Variants in RTP2 observed in about 807,000 individuals in gnomAD.
RTP2 encodes the protein receptor-transporting protein 2.
RTP2 carries 12 observed loss-of-function variants against 17.9 expected under a neutral mutation model. The ratio of observed to expected loss-of-function variants is 0.67; its 90% CI spans 0.43 to 1.09. RTP2 has a LOEUF of 1.09. Ranked by LOEUF, RTP2 falls within the 50% of genes least tolerant of loss-of-function variation. The pLI is 0.00. For missense variants in RTP2, 327 were observed against 295.7 expected (o/e 1.11, Z -0.78); for synonymous variants, 126 against 117.7 (o/e 1.07, Z -0.46).
chr3:187,707,947 A>G, the RTP2 span, among the ~76,000 whole-genome samples: 5 of 152,306 alleles, frequency 3.3e-5, no homozygotes, highest in African/African-American at 1.2e-4. Flanking sequence ...TCCATTGAGT[A>G]TTCTTTTGTA....
the RTP2 span, among the ~76,000 whole-genome samples, chr3:187,714,871 G>A: frequency 6.6e-6 from 1 of 152,170 alleles, no homozygotes; most frequent in Admixed American, 6.5e-5. Context: ...TGTGACTGAA[G>A]AATAGGGTGC....
intron 1 of RTP2, among the ~76,000 whole-genome samples, chr3:187,699,678 C>G (rs1322416167): frequency 6.6e-6 from 1 of 151,758 alleles, no homozygotes; most frequent in Non-Finnish European, 1.5e-5. Flanking sequence ...AGATCCCACT[C>G]TAGCCCTGCA....
the RTP2 span, among the ~76,000 whole-genome samples, chr3:187,714,975 A>C: frequency 6.6e-6 from 1 of 150,496 alleles, no homozygotes; most frequent in Non-Finnish European, 1.5e-5. Flanking sequence ...GAAAAAAAAA[A>C]CACAAACAAA....
the RTP2 span, among the ~76,000 whole-genome samples, chr3:187,710,710 C>A: frequency 6.6e-6 from 1 of 152,064 alleles, no homozygotes; most frequent in Non-Finnish European, 1.5e-5. Context: ...CGGATTAATA[C>A]ACCATAATTC....
At chr3:187,702,540 G>GT (rs1279710343) in exon 1 of RTP2, 1 of 458,716 alleles carries the variant, frequency 2.2e-6, no homozygotes, top group Non-Finnish European at 4.4e-6. Context: ...ATGTGCTATG[G>GT]TAAGTACGAC....
intron 1 of RTP2, among the ~76,000 whole-genome samples, chr3:187,701,229 T>C (rs2108542224): frequency 1.3e-5 from 2 of 152,230 alleles, no homozygotes; most frequent in East Asian, 3.8e-4. Context: ...ATGTGGACTT[T>C]AGACGGCCTC....
At chr3:187,713,715 T>C in the RTP2 span, among the ~76,000 whole-genome samples, 1 of 151,978 alleles carries the variant, frequency 6.6e-6, no homozygotes, top group African/African-American at 2.4e-5. Flanking sequence ...TCAGTCTGAT[T>C]GGTTGCAGGA....
chr3:187,710,415 A>G, the RTP2 span, among the ~76,000 whole-genome samples: 1 of 149,056 alleles, frequency 6.7e-6, no homozygotes, highest in Non-Finnish European at 1.5e-5. Flanking sequence ...TATTATATGT[A>G]TGTGTATATC....
the RTP2 span, among the ~76,000 whole-genome samples, chr3:187,712,692 G>A: frequency 1.3e-5 from 2 of 152,118 alleles, no homozygotes; most frequent in African/African-American, 4.8e-5. Flanking sequence ...AGGAAAACTT[G>A]GGAACAATAG....
At position 187,702,070 on chromosome 3, in the gene RTP2, AC is replaced by A. The variant is rs1560137038; in HGVS notation, c.58del (p.Val20TrpfsTer12). 6.2e-7 allele frequency: 1 copy of A among 1,613,582 alleles called. No homozygotes were observed. On this transcript the variant is annotated frameshift_variant, in exon 1 of 2. Transcript: ENST00000358241. LOFTEE classifies it high-confidence loss of function. ...CTCCCAGCTGTCCGCTGGCTTTGCC[AC>A]CTCCATCTTCTCATAGAAGACTTTC... is the stretch of plus-strand genomic sequence containing the variant.
At chr3:187,698,312 C>T (rs1717738787) in exon 2 of RTP2, 1 of 593,544 alleles carries the variant, frequency 1.7e-6, no homozygotes, top group Non-Finnish European at 2.9e-6. Context: ...ATTATTGTCA[C>T]ATCCAGTGAA....
chr3:187,707,582 G>A, the RTP2 span, among the ~76,000 whole-genome samples: 3 of 152,310 alleles, frequency 2.0e-5, 1 homozygote, highest in African/African-American at 7.2e-5. Context: ...TAGGACATCT[G>A]GATCACACAG....
chr3:187,705,072 G>A (rs972940053), upstream of RTP2, among the ~76,000 whole-genome samples: 28 of 151,806 alleles, frequency 1.8e-4, no homozygotes, highest in African/African-American at 5.3e-4. Flanking sequence ...CCTTTTTTCC[G>A]GGTCTTATTA....
chr3:187,704,040 C>G (rs1361237814), upstream of RTP2, among the ~76,000 whole-genome samples: 1 of 152,066 alleles, frequency 6.6e-6, no homozygotes, highest in Non-Finnish European at 1.5e-5. Context: ...TTCCAGAACC[C>G]ACGATTTAAG....
the RTP2 span, among the ~76,000 whole-genome samples, chr3:187,714,853 C>T: frequency 3.9e-5 from 6 of 152,006 alleles, no homozygotes; most frequent in Non-Finnish European, 7.4e-5. Flanking sequence ...AAATGGTGAG[C>T]TTCTCCATGT....
upstream of RTP2, among the ~76,000 whole-genome samples, chr3:187,706,802 C>T (rs147046782): frequency 0.015 from 2,345 of 152,150 alleles, 25 homozygotes; most frequent in Non-Finnish European, 0.022. Context: ...GGGGTTTCAC[C>T]ATGTTGGCCA....
At chr3:187,709,098 T>C in the RTP2 span, among the ~76,000 whole-genome samples, 1 of 152,204 alleles carries the variant, frequency 6.6e-6, no homozygotes, top group African/African-American at 2.4e-5. Context: ...ATCCTCTTTG[T>C]CCCACTCTCC....
chr3:187,711,897 C>A, the RTP2 span, among the ~76,000 whole-genome samples: 1 of 152,140 alleles, frequency 6.6e-6, no homozygotes, highest in Non-Finnish European at 1.5e-5. Context: ...TATTTTTCTA[C>A]TTATATATTC....
upstream of RTP2, among the ~76,000 whole-genome samples, chr3:187,706,849 C>T (rs528993164): frequency 9.8e-5 from 15 of 152,320 alleles, no homozygotes; most frequent in East Asian, 3.9e-4. Flanking sequence ...GATCCACCCA[C>T]GTCGGCCTCC....
Sources: gnomAD v4.1 joint callset for allele counts (sites outside exome capture counted in the v4.1 genomes callset) on GRCh38, gnomAD v4.1.1 for gene constraint, MANE v1.5 for transcripts, NCBI Gene and HGNC (gene_info 2026-07-23, HGNC 2026-07-21) for gene names.